CRHR1: variants seen among roughly 807,000 people sequenced by gnomAD.
The protein encoded by CRHR1 is corticotropin releasing hormone receptor 1, also known as corticotropin-releasing hormone receptor 1.
A neutral mutation model predicts 56.0 loss-of-function variants in CRHR1; 28 were observed. The ratio of observed to expected loss-of-function variants is 0.50; its 90% CI spans 0.37 to 0.69. The LOEUF (loss-of-function observed/expected upper bound fraction) is 0.69, where lower values mean the gene tolerates loss of function less well. Ranked by LOEUF, CRHR1 falls within the 30% of genes least tolerant of loss-of-function variation. CRHR1 has a pLI of 0.00. For missense variants in CRHR1, 376 were observed against 548.0 expected, an observed-to-expected ratio of 0.69 and a Z score of 3.13; for synonymous variants, 195 against 216.5, an observed-to-expected ratio of 0.90 and a Z score of 0.87.
At chr17:45,810,015 C>T (rs1234451088) in intron 2 of CRHR1, among the ~76,000 whole-genome samples, 1 of 152,208 alleles carries the variant, frequency 6.6e-6, no homozygotes, top group Non-Finnish European at 1.5e-5. Context: ...CACGGTGGCT[C>T]ACGCCTGTAA....
At position 45,833,766 on chromosome 17, in the gene CRHR1, A is replaced by C; in HGVS notation, c.982A>C (p.Met328Leu). ...VLLPLLGITY[M>L]LFFVNPGEDE... ...GCTGCCCCTCCTGGGCATCACCTAC[A>C]TGCTGTTCTTCGTCAATCCCGGGGA... The change falls in exon 11 of 13, where the codon ATG (methionine) becomes CTG (leucine). Residue 328 changes from methionine to leucine, a missense_variant. By Grantham distance (15) the Met-to-Leu change is conservative. Coordinates refer to ENST00000314537, the MANE Select transcript of CRHR1 (RefSeq NM_004382.5). 6.2e-7 allele frequency: 1 copy of C among 1,605,034 alleles called. No homozygotes were observed. Among genetic ancestry groups the C allele is most frequent in the Non-Finnish European group, 8.5e-7 (1 of 1,176,058 alleles).
chr17:45,815,335 GC>G (rs1401785128), intron 2 of CRHR1, among the ~76,000 whole-genome samples: 2 of 152,164 alleles, frequency 1.3e-5, no homozygotes, highest in Non-Finnish European at 2.9e-5. Flanking sequence ...GACTGTGCCA[GC>G]CCCCACCCTT....
intron 2 of CRHR1, among the ~76,000 whole-genome samples, chr17:45,812,392 G>T (rs1003895258): frequency 1.3e-5 from 2 of 152,238 alleles, no homozygotes; most frequent in Non-Finnish European, 2.9e-5. Flanking sequence ...TGTGCAGCTG[G>T]TTGGTAAATT....
At chr17:45,806,307 G>T (rs943344644) in intron 1 of CRHR1, among the ~76,000 whole-genome samples, 4 of 152,188 alleles carry the variant, frequency 2.6e-5, no homozygotes, top group Non-Finnish European at 5.9e-5. Flanking sequence ...AAGGGCAAAG[G>T]TCTGCCCTAG....
chr17:45,821,366 C>T lies in CRHR1; in HGVS notation c.253C>T (p.Arg85Trp), dbSNP rs1030829316. 5.6e-6 allele frequency: 9 copies of T among 1,613,364 alleles called. No individual in the cohort carries two copies. The highest frequency in any genetic ancestry group is 1.1e-5 in the South Asian group (1 of 91,086). ...TCTTCCTTTTCCAGACAATGGCTAC[C>T]GGGAGTGCCTGGCCAATGGCAGCTG... The part of the protein sequence containing the change: ...VRYNTTNNGY[R>W]ECLANGSWAA... The change falls in exon 4 of 13, where the codon CGG becomes TGG. Residue 85 changes from arginine (R) to tryptophan (W), a missense_variant. By Grantham distance (101) the Arg-to-Trp change is moderately radical. Transcript: ENST00000314537.
chr17:45,786,265 ATGGTGGGG>A (rs1315520435), intron 1 of CRHR1, among the ~76,000 whole-genome samples: 13 of 151,202 alleles, frequency 8.6e-5, no homozygotes, highest in Non-Finnish European at 1.0e-4. Context: ...TTCCTACTAG[ATGGTGGGG>A]TGTTTGCCCT....
Position 45,833,542 on chromosome 17 carries a change from C to T in CRHR1, c.929+5C>T. ...GTCTGAGACCATTCAGTACAGGTAACCGGGTACCACCTTCCTCAGGCCTCC... is the reference window on the plus strand; with the variant it reads ...GTCTGAGACCATTCAGTACAGGTAATCGGGTACCACCTTCCTCAGGCCTCC... On this transcript the variant is annotated splice_donor_5th_base_variant and intron_variant, in intron 10 of 12. Transcript: ENST00000314537. 6.2e-7 allele frequency: 1 copy of T among 1,613,692 alleles called. No individual in the cohort carries two copies. Among genetic ancestry groups the T allele is most frequent in the Non-Finnish European group, 8.5e-7 (1 of 1,179,728 alleles).
At chr17:45,798,745 A>AGGGC (rs1334112102) in intron 1 of CRHR1, among the ~76,000 whole-genome samples, 1 of 38,050 alleles carries the variant, frequency 2.6e-5, no homozygotes, top group Non-Finnish European at 7.8e-5. Flanking sequence ...AGTAGCAGGG[A>AGGGC]GGGCGGGCGG....
In CRHR1 at chr17:45,798,528, G is replaced by GA. The variant is rs77104565; in HGVS notation, c.34-8465dup. 4.6e-3 allele frequency among the ~76,000 whole-genome samples: 521 copies of GA among 113,570 alleles called. 3 individuals carry two copies. The highest frequency in any genetic ancestry group is 0.012 in the African/African-American group (344 of 29,418). The allele number at this position is 113,570 out of a possible 152,430, so 74.5% of individuals were successfully genotyped here. A position where few individuals can be genotyped will look rare whatever the true frequency, so the allele number is the denominator to read the frequency against. ...GCGACAAGGCGAGACTCCGTCTCGGGAAAAAAAAAAAAAAAAAGCCAAACA... is the reference window on the plus strand; with the variant it reads ...GCGACAAGGCGAGACTCCGTCTCGGGAAAAAAAAAAAAAAAAAAGCCAAACA... On this transcript the variant is annotated intron_variant, in intron 1 of 12. Coordinates refer to ENST00000314537, the MANE Select transcript of CRHR1 (RefSeq NM_004382.5).
At chr17:45,802,318 G>C (rs572321395) in intron 1 of CRHR1, among the ~76,000 whole-genome samples, 1 of 152,124 alleles carries the variant, frequency 6.6e-6, no homozygotes, top group Admixed American at 6.6e-5. Flanking sequence ...GAGCAAGACT[G>C]TCTCAAAAAA....
chr17:45,799,463 C>T (rs982526753), intron 1 of CRHR1: 3 of 152,186 alleles, frequency 2.0e-5, no homozygotes, highest in South Asian at 2.1e-4. Flanking sequence ...ATTTCTTTTT[C>T]GCGTTTAGAT....
chr17:45,794,579 A>G lies in CRHR1; in HGVS notation c.33+10002A>G, dbSNP rs540256617. ...ACGGAAGAAGGAAGAACCCTTGTCC[A>G]GGAGGAGGAAACTCTTTGGTTTACT... On this transcript the variant is annotated intron_variant, in intron 1 of 12. Coordinates refer to ENST00000314537, the MANE Select transcript of CRHR1 (RefSeq NM_004382.5). Among the ~76,000 whole-genome samples the G allele has an allele frequency of 2.0e-5, 3 of 152,346 alleles. No homozygotes were observed. The East Asian group carries it at 5.8e-4, about 29-fold the overall frequency.
At chr17:45,829,168 C>A in intron 4 of CRHR1, 47 bp from the exon 5 acceptor site, 1 of 1,468,314 alleles carries the variant, frequency 6.8e-7, no homozygotes, top group Non-Finnish European at 9.5e-7. Flanking sequence ...CACAGAGCAG[C>A]TCCCATCCAG....
intron 1 of CRHR1, among the ~76,000 whole-genome samples, chr17:45,787,457 G>A (rs1309342597): frequency 6.6e-6 from 1 of 152,180 alleles, no homozygotes; most frequent in African/African-American, 2.4e-5. Flanking sequence ...GCTGGCTATT[G>A]TTATTCTTAT....
intron 5 of CRHR1, chr17:45,829,584 ACCAGGCAGATGGAG>A (rs2062246625): frequency 6.4e-7 from 1 of 1,550,788 alleles, no homozygotes; most frequent in Non-Finnish European, 8.7e-7. Context: ...CATTGGGGTG[ACCAGGCAGATGGAG>A]CCCTGGAGGT....
intron 5 of CRHR1, among the ~76,000 whole-genome samples, chr17:45,829,828 A>G (rs1412826304): frequency 6.6e-6 from 1 of 151,954 alleles, no homozygotes; most frequent in Non-Finnish European, 1.5e-5. Flanking sequence ...ATCGCCAGGA[A>G]TCCAGCTGCC....
Position 45,816,510 on chromosome 17 carries a change from C to T in CRHR1, c.169C>T (p.Arg57Cys), listed in dbSNP as rs778136105. 8.7e-6 allele frequency: 14 copies of T among 1,613,998 alleles called. No homozygotes were observed. In the Admixed American group the frequency reaches 1.0e-4, roughly 12 times the overall value. The stretch of plus-strand genomic sequence containing the variant: ...GGACCTCATTGGCACCTGCTGGCCC[C>T]GCAGCCCTGCGGGGCAGCTAGTGGT... ...SVDLIGTCWP[R>C]SPAGQLVVRP... The change falls in exon 3 of 13, where the codon CGC becomes TGC. Residue 57 changes from arginine to cysteine, a missense_variant. This residue lies in a region of CRHR1 where 369 missense variants were observed against 519.5 expected (regional missense o/e 0.71). Transcript: ENST00000314537.
Position 45,802,713 on chromosome 17 carries a change from T to C in CRHR1, c.34-4297T>C, listed in dbSNP as rs375855331. ...CAGTCCTCTGTGTTTAGAAAATGCCTGTGTGAACCATCACATTCAAGAGAG... is the reference window on the plus strand; with the variant it reads ...CAGTCCTCTGTGTTTAGAAAATGCCCGTGTGAACCATCACATTCAAGAGAG... On this transcript the variant is annotated intron_variant, in intron 1 of 12. Transcript: ENST00000314537. Among the ~76,000 whole-genome samples, 414 of 152,336 alleles carry C rather than the reference T, an allele frequency of 2.7e-3. 2 individuals carry two copies. Among genetic ancestry groups the C allele is most frequent in the African/African-American group, 9.3e-3 (386 of 41,564 alleles).
intron 8 of CRHR1, 40 bp from the exon 9 acceptor site, chr17:45,833,098 G>A (rs764686538): frequency 2.6e-5 from 40 of 1,552,836 alleles, no homozygotes; most frequent in South Asian, 5.6e-5. Context: ...CGAGGTGGAC[G>A]CAGATGACCC....
Sources: gnomAD v4.1 joint callset for allele counts (sites outside exome capture counted in the v4.1 genomes callset) on GRCh38, gnomAD v4.1.1 for gene constraint, gnomAD v4.1.1 regional missense constraint, MANE v1.5 for transcripts, NCBI Gene and HGNC (gene_info 2026-07-23, HGNC 2026-07-21) for gene names.